Variants in BTBD18 observed in about 807,000 individuals in gnomAD.
BTBD18 encodes the protein BTB domain containing 18, also known as BTB/POZ domain-containing protein 18.
For synonymous variants in BTBD18, 311 were observed against 324.4 expected, an observed-to-expected ratio of 0.96 and a Z score of 0.44; for missense variants, 787 against 846.3, an observed-to-expected ratio of 0.93 and a Z score of 0.87.
At chr11:57,749,420 A>G (rs1181889494) in intron 2 of BTBD18, among the ~76,000 whole-genome samples, 1 of 152,208 alleles carries the variant, frequency 6.6e-6, no homozygotes, top group East Asian at 1.9e-4. Context: ...AATTGGAACC[A>G]TATAGCTAAG....
chr11:57,747,217 C>T (rs772441425), intron 2 of BTBD18, among the ~76,000 whole-genome samples: 2 of 152,198 alleles, frequency 1.3e-5, no homozygotes, highest in Admixed American at 1.3e-4. Flanking sequence ...TCTTCCATGG[C>T]TTTAATTACA....
Position 57,744,690 on chromosome 11 carries a change from TGGTA to T in BTBD18, c.1579_1582del (p.Tyr527IlefsTer2). 1 of 1,551,724 alleles carries T rather than the reference TGGTA, an allele frequency of 6.4e-7. No homozygotes were observed. Among genetic ancestry groups the T allele is most frequent in the Non-Finnish European group, 8.7e-7 (1 of 1,146,992 alleles). ...CCAGTTCTTTCCTGTTTCTGTCAGA[TGGTA>T]GGTAGGCGTTCTGCAGCCCTCAGCC... On this transcript the variant is annotated frameshift_variant, in exon 3 of 3. Coordinates refer to ENST00000422652, the MANE Select transcript of BTBD18 (RefSeq NM_001145101.3). LOFTEE classifies it low-confidence loss of function (END_TRUNC).
At chr11:57,749,028 T>C (rs1949246609) in intron 2 of BTBD18, among the ~76,000 whole-genome samples, 1 of 152,198 alleles carries the variant, frequency 6.6e-6, no homozygotes, top group Non-Finnish European at 1.5e-5. Context: ...AAATCCCTGC[T>C]TCCTCCCACT....
Position 57,744,974 on chromosome 11 carries a change from A to G in BTBD18, c.1299T>C (p.Ala433=). 2 of 1,551,672 alleles carry G rather than the reference A, an allele frequency of 1.3e-6. No individual in the cohort carries two copies. The highest frequency in any genetic ancestry group is 1.7e-6 in the Non-Finnish European group (2 of 1,146,958). ...CTKLQDILVS[A]SHSPDHPVVK... ...CCACTGGGTGGTCTGGGGAGTGGCT[A>G]GCAGAGACCAGAATGTCTTGTAGCT... Residue 433 remains alanine (A), a synonymous_variant, in exon 3 of 3, where the codon GCT becomes GCC. Coordinates refer to ENST00000422652, the MANE Select transcript of BTBD18 (RefSeq NM_001145101.3).
chr11:57,744,116 C>T lies in BTBD18; in HGVS notation c.*18G>A. The T allele has an allele frequency of 9.4e-7, 1 of 1,062,270 alleles. No homozygotes were observed. The highest frequency in any genetic ancestry group is 1.4e-6 in the Non-Finnish European group (1 of 727,734). The allele number at this position is 1,062,270 out of a possible 1,614,324, so 65.8% of individuals were successfully genotyped here. ...TTTCCCACCCTCCCAAGGCCCCTAA[C>T]CTGCCCTCCCCTCTCCACTATGTTA... On this transcript the variant is annotated 3_prime_UTR_variant, in exon 3 of 3. Transcript: ENST00000422652.
At chr11:57,752,300 C>T (rs1949326969), upstream of BTBD18, among the ~76,000 whole-genome samples, 1 of 152,020 alleles carries the variant, frequency 6.6e-6, no homozygotes, top group Non-Finnish European at 1.5e-5. Context: ...TTTGGGAGGC[C>T]GAGGCGGGTG....
intron 2 of BTBD18, among the ~76,000 whole-genome samples, chr11:57,747,056 G>C (rs1261419151): frequency 2.0e-5 from 3 of 152,190 alleles, no homozygotes; most frequent in Non-Finnish European, 4.4e-5. Context: ...TCACACAAGA[G>C]TTCAAAAACT....
chr11:57,751,013 T>G, intron 2 of BTBD18, 52 bp downstream of exon 2: 2 of 1,453,592 alleles, frequency 1.4e-6, no homozygotes, highest in South Asian at 2.8e-5. Flanking sequence ...TCTGAACTCA[T>G]TTTATCTTAT....
rs978940012 is a variant in BTBD18, at chr11:57,743,961, C to G, written c.*173G>C. The stretch of plus-strand genomic sequence containing the variant: ...TTCATAATTTTCTATCTATGGTACC[C>G]TTGGCTTCTGCCTGGCTTCTGAGGC... On this transcript the variant is annotated 3_prime_UTR_variant, in exon 3 of 3. Transcript: ENST00000422652. 3.5e-6 allele frequency: 2 copies of G among 566,590 alleles called. No individual in the cohort carries two copies. Among genetic ancestry groups the G allele is most frequent in the Non-Finnish European group, 3.1e-6 (1 of 317,638 alleles). The allele number at this position is 566,590 out of a possible 1,614,324, so 35.1% of individuals were successfully genotyped here.
intron 2 of BTBD18, among the ~76,000 whole-genome samples, chr11:57,747,420 C>A (rs565906909): frequency 2.9e-4 from 44 of 152,342 alleles, no homozygotes; most frequent in African/African-American, 1.1e-3. Context: ...GCATCATATT[C>A]ACCCAGTTGC....
Position 57,744,384 on chromosome 11 carries a change from C to T in BTBD18, c.1889G>A (p.Cys630Tyr). The T allele has an allele frequency of 1.3e-6, 2 of 1,551,668 alleles. No individual in the cohort carries two copies. Among genetic ancestry groups the T allele is most frequent in the South Asian group, 2.4e-5 (2 of 84,064 alleles). ...QRSYGDLSPP[C>Y]SNWVETGLEV... ...CAGCCCAGTCTCCACCCAGTTTGAGCAGGGAGGTGAGAGGTCCCCATAAGA... is the reference window on the plus strand; with the variant it reads ...CAGCCCAGTCTCCACCCAGTTTGAGTAGGGAGGTGAGAGGTCCCCATAAGA... Residue 630 changes from cysteine to tyrosine, a missense_variant, in exon 3 of 3, where the codon TGC (cysteine) becomes TAC (tyrosine). By Grantham distance (194) the Cys-to-Tyr change is radical. Transcript: ENST00000422652.
At chr11:57,751,926 A>T (rs1387154307), upstream of BTBD18, 1 of 152,212 alleles carries the variant, frequency 6.6e-6, no homozygotes, top group Admixed American at 6.5e-5. Flanking sequence ...GGACGTTGCC[A>T]CCCTTGGCTG....
chr11:57,751,968 C>T (rs148521746), upstream of BTBD18, among the ~76,000 whole-genome samples: 1 of 152,234 alleles, frequency 6.6e-6, no homozygotes, highest in Non-Finnish European at 1.5e-5. Context: ...CCTGACTGAC[C>T]CTGGTAGTAG....
At chr11:57,746,805 C>CA (rs35274578) in intron 2 of BTBD18, among the ~76,000 whole-genome samples, 24,916 of 95,392 alleles carry the variant, frequency 0.26, 3,382 homozygotes, top group Middle Eastern at 0.38. Flanking sequence ...ACCTTGTCTC[C>CA]AAAAAAAAAA....
In BTBD18 at chr11:57,744,739, C is replaced by T; in HGVS notation, c.1534G>A (p.Gly512Arg). ...TCAGCCCCTGGACTCTCCAGAGACCCTATAGGTGGTTCAATGTCTGAGCCA... is the reference window on the plus strand; with the variant it reads ...TCAGCCCCTGGACTCTCCAGAGACCTTATAGGTGGTTCAATGTCTGAGCCA... ...LCGSDIEPPI[G>R]SLESPGAEGC... Residue 512 changes from glycine to arginine, a missense_variant, in exon 3 of 3, where the codon GGG becomes AGG. Gly to Arg is a moderately radical substitution (Grantham distance 125). Transcript: ENST00000422652. 1.3e-6 allele frequency: 2 copies of T among 1,551,318 alleles called. No individual in the cohort carries two copies. Among genetic ancestry groups the T allele is most frequent in the Non-Finnish European group, 1.7e-6 (2 of 1,146,966 alleles).
At chr11:57,749,745 CAAAAAA>C (rs576323420) in intron 2 of BTBD18, among the ~76,000 whole-genome samples, 3 of 62,944 alleles carry the variant, frequency 4.8e-5, no homozygotes, top group South Asian at 9.2e-4. Context: ...GCAAGAATCT[CAAAAAA>C]AAAAAAAAAA....
chr11:57,752,887 C>G (rs1949343294), upstream of BTBD18, among the ~76,000 whole-genome samples: 1 of 152,248 alleles, frequency 6.6e-6, no homozygotes, highest in Non-Finnish European at 1.5e-5. Flanking sequence ...GCTTGGGCGC[C>G]CTGGCCCAAC....
chr11:57,745,517 G>T lies in BTBD18; in HGVS notation c.756C>A (p.Pro252=), dbSNP rs1348770124. The T allele has an allele frequency of 6.5e-7, 1 of 1,549,702 alleles. No homozygotes were observed. The highest frequency in any genetic ancestry group is 2.4e-5 in the East Asian group (1 of 40,922). Residue 252 remains proline (P), a synonymous_variant, in exon 3 of 3, where the codon CCC becomes CCA. Coordinates refer to ENST00000422652, the MANE Select transcript of BTBD18 (RefSeq NM_001145101.3). ...PTVLSPPSLY[P]SVDKHLLPRK... is the part of the protein sequence containing the mutation. ...TGGGCAACAGGTGTTTGTCCACAGA[G>T]GGGTACAAGCTGGGTGGGGAGAGCA...
chr11:57,751,459 C>G (rs1254145087), intron 1 of BTBD18, 82 bp downstream of exon 1: 1 of 268,480 alleles, frequency 3.7e-6, no homozygotes, highest in African/African-American at 2.2e-5. Flanking sequence ...TATTTATTAG[C>G]CTGGCTGTAT....
Sources: gnomAD v4.1 joint callset for allele counts (sites outside exome capture counted in the v4.1 genomes callset) on GRCh38, gnomAD v4.1.1 for gene constraint, MANE v1.5 for transcripts, NCBI Gene and HGNC (gene_info 2026-07-23, HGNC 2026-07-21) for gene names.